Variants in RAD54B observed in about 807,000 individuals in gnomAD.
RAD54B encodes RAD54 homolog B.
Under a neutral mutation model 95.8 loss-of-function variants are expected in RAD54B, and 78 were observed. The observed-to-expected ratio is 0.81, with a 90% confidence interval of 0.68 to 0.98. The LOEUF is 0.98. Ranked by LOEUF, RAD54B falls within the 50% of genes least tolerant of loss-of-function variation. The pLI, the probability that RAD54B is intolerant of heterozygous loss-of-function variation, is 0.00. For missense variants in RAD54B, 957 were observed against 1,056.6 expected (o/e 0.91, Z 1.31); for synonymous variants, 328 against 354.9 (o/e 0.92, Z 0.85).
intron 12 of RAD54B, 118 bp downstream of exon 12, chr8:94,380,027 G>A (rs1211844467): frequency 1.4e-5 from 17 of 1,182,406 alleles, no homozygotes; most frequent in East Asian, 5.0e-5. Flanking sequence ...AGTGCCTCAC[G>A]CAAAATAAGG....
intron 3 of RAD54B, among the ~76,000 whole-genome samples, chr8:94,415,976 G>C (rs1663405696): frequency 6.6e-6 from 1 of 150,686 alleles, no homozygotes; most frequent in Non-Finnish European, 1.5e-5. Context: ...CAGGGATCTA[G>C]AACTAGAAAT....
intron 2 of RAD54B, among the ~76,000 whole-genome samples, chr8:94,466,787 A>G (rs1311056879): frequency 6.6e-6 from 1 of 152,194 alleles, no homozygotes; most frequent in Admixed American, 6.5e-5. Flanking sequence ...TTCCTCTTTA[A>G]ATGACCTTAA....
In RAD54B at chr8:94,436,380, A is replaced by G. The variant is rs1204839275; in HGVS notation, c.304+21888T>C. 3.1e-6 allele frequency: 4 copies of G among 1,292,094 alleles called. No homozygotes were observed. The African/African-American group carries it at 6.0e-5, about 19-fold the overall frequency. 80.0% of individuals were successfully genotyped at this position (1,292,094 alleles called of 1,614,324 possible). A position where few individuals can be genotyped will look rare whatever the true frequency, so the allele number is the denominator to read the frequency against. Reference sequence around the variant, plus strand: ...TTAAAAAATGCAAAACAAAGACACTATTCATTGCTCCCGTTGTGGGGATGC... The same window carrying G: ...TTAAAAAATGCAAAACAAAGACACTGTTCATTGCTCCCGTTGTGGGGATGC... On this transcript the variant is annotated intron_variant, in intron 3 of 14. Coordinates refer to ENST00000336148, the MANE Select transcript of RAD54B (RefSeq NM_012415.3).
Position 94,378,256 on chromosome 8 carries a change from GAACA to G in RAD54B, c.2435_2438del (p.Leu812SerfsTer51). The G allele has an allele frequency of 6.2e-7, 1 of 1,613,238 alleles. No individual in the cohort carries two copies. The stretch of plus-strand genomic sequence containing the variant: ...CACAATCTGAACTTTCATGTAATGT[GAACA>G]AATTTTTAAGTTCTTCTACTGAAAA... On this transcript the variant is annotated frameshift_variant, in exon 14 of 15. Transcript: ENST00000336148. LOFTEE classifies it high-confidence loss of function.
In RAD54B at chr8:94,451,592, T is replaced by C. The variant is rs79906960; in HGVS notation, c.304+6676A>G. Among the ~76,000 whole-genome samples, 977 of 152,304 alleles carry C rather than the reference T, an allele frequency of 6.4e-3. 4 individuals carry two copies. The highest frequency in any genetic ancestry group is 0.01 in the Non-Finnish European group (701 of 68,028). ...TTTATCCAAATAATCAAACTTATTA[T>C]CACCAGTAATGGGATAAATTGACAT... On this transcript the variant is annotated intron_variant, in intron 3 of 14. Coordinates refer to ENST00000336148, the MANE Select transcript of RAD54B (RefSeq NM_012415.3).
At chr8:94,430,942 A>G in intron 3 of RAD54B, 2 of 985,114 alleles carry the variant, frequency 2.0e-6, no homozygotes, top group Non-Finnish European at 2.4e-6. Context: ...TATATACTCA[A>G]TCCACTTTTT....
At chr8:94,466,989 C>T (rs1365592975) in intron 2 of RAD54B, among the ~76,000 whole-genome samples, 1 of 152,148 alleles carries the variant, frequency 6.6e-6, no homozygotes, top group African/African-American at 2.4e-5. Flanking sequence ...AGTGCAGTGG[C>T]ACAATCACAG....
chr8:94,408,319 G>T (rs551723220), intron 4 of RAD54B, among the ~76,000 whole-genome samples: 7 of 152,056 alleles, frequency 4.6e-5, no homozygotes, highest in Admixed American at 4.6e-4. Flanking sequence ...CTGTGTAAAG[G>T]TGCTGATGAA....
intron 3 of RAD54B, among the ~76,000 whole-genome samples, chr8:94,435,328 T>C (rs953754197): frequency 6.6e-6 from 1 of 152,078 alleles, no homozygotes; most frequent in African/African-American, 2.4e-5. Context: ...ATAAGCAGTA[T>C]CTGGTAAGAA....
chr8:94,462,730 T>C (rs1812935935), intron 2 of RAD54B, among the ~76,000 whole-genome samples: 1 of 152,198 alleles, frequency 6.6e-6, no homozygotes, highest in Non-Finnish European at 1.5e-5. Flanking sequence ...AGGCTTCTCA[T>C]GTTACCTTGC....
intron 3 of RAD54B, among the ~76,000 whole-genome samples, chr8:94,416,430 T>A (rs1374409739): frequency 6.6e-6 from 1 of 151,758 alleles, no homozygotes; most frequent in African/African-American, 2.4e-5. Context: ...GATGAGTTAA[T>A]GGGTGCAGCA....
intron 3 of RAD54B, chr8:94,431,807 T>C: frequency 9.9e-7 from 1 of 1,011,464 alleles, no homozygotes; most frequent in African/African-American, 1.7e-5. Flanking sequence ...ACTAAAAATG[T>C]TGAAGACTCA....
At chr8:94,432,040 T>C (rs1216737481) in intron 3 of RAD54B, 32 of 1,401,468 alleles carry the variant, frequency 2.3e-5, no homozygotes, top group Non-Finnish European at 2.9e-5. Context: ...ACAACATTTT[T>C]CAAGAACGTG....
chr8:94,472,040 GTAAA>G (rs1334218896), intron 1 of RAD54B, among the ~76,000 whole-genome samples: 1 of 152,050 alleles, frequency 6.6e-6, no homozygotes, highest in East Asian at 1.9e-4. Flanking sequence ...AATGAAACAT[GTAAA>G]TATTTTATAT....
At chr8:94,467,114 G>A (rs879683877) in intron 2 of RAD54B, among the ~76,000 whole-genome samples, 3 of 152,014 alleles carry the variant, frequency 2.0e-5, no homozygotes, top group African/African-American at 7.2e-5. Flanking sequence ...TTTTTGTAGA[G>A]ACAGGGTCTC....
At position 94,380,336 on chromosome 8, in the gene RAD54B, C is replaced by CA. The variant is rs1382333833; in HGVS notation, c.2055dup (p.Ala686CysfsTer6). 1.9e-6 allele frequency: 3 copies of CA among 1,613,906 alleles called. No homozygotes were observed. Among genetic ancestry groups the CA allele is most frequent in the African/African-American group, 1.3e-5 (1 of 74,926 alleles). ...GTTTGTCCATCAAGTCTTGTATAAGCATATCCATGACGCTTACATACTTCT... is the reference window on the plus strand; with the variant it reads ...GTTTGTCCATCAAGTCTTGTATAAGCAATATCCATGACGCTTACATACTTCT... On this transcript the variant is annotated frameshift_variant, in exon 12 of 15. Coordinates refer to ENST00000336148, the MANE Select transcript of RAD54B (RefSeq NM_012415.3). LOFTEE classifies it high-confidence loss of function.
intron 3 of RAD54B, among the ~76,000 whole-genome samples, chr8:94,434,365 G>A (rs1812200706): frequency 6.6e-6 from 1 of 151,690 alleles, no homozygotes; most frequent in Non-Finnish European, 1.5e-5. Flanking sequence ...AAGCTTTAGA[G>A]CAGGTCACAA....
chr8:94,412,812 T>C (rs1811559029), intron 3 of RAD54B, among the ~76,000 whole-genome samples: 1 of 152,098 alleles, frequency 6.6e-6, no homozygotes, highest in Non-Finnish European at 1.5e-5. Flanking sequence ...ATGTAACTAT[T>C]TACATAGAAA....
At chr8:94,436,357 A>T in intron 3 of RAD54B, 1 of 1,180,596 alleles carries the variant, frequency 8.5e-7, no homozygotes, top group Non-Finnish European at 1.1e-6. Context: ...TTCTCTTTTT[A>T]AAAAATGCAA....
Sources: allele counts gnomAD v4.1 joint callset (sites outside exome capture counted in the v4.1 genomes callset), GRCh38; gene constraint gnomAD v4.1.1; transcripts MANE v1.5; gene names NCBI Gene and HGNC (gene_info 2026-07-23, HGNC 2026-07-21).